LRRC7: variants seen among roughly 807,000 people sequenced by gnomAD.
LRRC7 encodes leucine-rich repeat-containing protein 7.
Under a neutral mutation model 175.7 loss-of-function variants are expected in LRRC7, and 23 were observed. The observed-to-expected ratio is 0.13, with a 90% CI of 0.09 to 0.19. The LOEUF is 0.19. Ranked by LOEUF, LRRC7 falls within the 10% of genes least tolerant of loss-of-function variation. LRRC7 has a pLI of 1.00. For missense variants in LRRC7, 1,354 were observed against 1,904.7 expected (o/e 0.71, Z 5.38); for synonymous variants, 685 against 680.9 (o/e 1.01, Z -0.09).
At chr1:70,057,712 C>G (rs1295796471) in intron 23 of LRRC7, among the ~76,000 whole-genome samples, 3 of 152,050 alleles carry the variant, frequency 2.0e-5, no homozygotes, top group African/African-American at 7.2e-5. Context: ...TCTGTTCTGG[C>G]TATCATAGAT....
At chr1:69,607,520 T>A (rs1647802156) in intron 1 of LRRC7, 1 of 152,148 alleles carries the variant, frequency 6.6e-6, no homozygotes, top group African/African-American at 2.4e-5. Context: ...TTTTCTGCCT[T>A]ATGCATCTCT....
At chr1:69,831,629 C>T (rs1034351084) in intron 5 of LRRC7, among the ~76,000 whole-genome samples, 4 of 152,180 alleles carry the variant, frequency 2.6e-5, no homozygotes, top group African/African-American at 9.6e-5. Flanking sequence ...TTTTCACTTG[C>T]CTCCCTTCTC....
rs200629241 is a variant in LRRC7, at chr1:70,136,095, G to C, written c.*14208G>C. 2.5e-5 allele frequency among the ~76,000 whole-genome samples: 3 copies of C among 119,910 alleles called. No individual in the cohort carries two copies. The highest frequency in any genetic ancestry group is 5.3e-5 in the Non-Finnish European group (3 of 56,250). The allele number at this position is 119,910 out of a possible 152,430, so 78.7% of individuals were successfully genotyped here. A position where few individuals can be genotyped will look rare whatever the true frequency, so the allele number is the denominator to read the frequency against. ...TGTGTCTGTGTGTGTGTGTGTGTGTGTGTCTATATATCTTATCAGGCAATT... is the reference window on the plus strand; with the variant it reads ...TGTGTCTGTGTGTGTGTGTGTGTGTCTGTCTATATATCTTATCAGGCAATT... On this transcript the variant is annotated 3_prime_UTR_variant, in exon 27 of 27. Coordinates refer to ENST00000651989, the MANE Select transcript of LRRC7 (RefSeq NM_001370785.2).
chr1:69,791,002 A>C (rs1298397527), intron 3 of LRRC7, among the ~76,000 whole-genome samples: 1 of 152,028 alleles, frequency 6.6e-6, no homozygotes, highest in Non-Finnish European at 1.5e-5. Flanking sequence ...GCCTGTAAAT[A>C]ACGAATTACA....
intron 7 of LRRC7, among the ~76,000 whole-genome samples, chr1:69,877,688 C>G (rs1686166441): frequency 6.6e-6 from 1 of 152,112 alleles, no homozygotes; most frequent in African/African-American, 2.4e-5. Flanking sequence ...TACCCTAGCC[C>G]CAGGTAACTA....
intron 22 of LRRC7, among the ~76,000 whole-genome samples, chr1:70,047,173 GA>G (rs1410801918): frequency 6.6e-6 from 1 of 152,036 alleles, no homozygotes; most frequent in South Asian, 2.1e-4. Flanking sequence ...AAATAAAATT[GA>G]CATAAATGTT....
At chr1:69,624,586 C>A (rs1651178255) in intron 1 of LRRC7, among the ~76,000 whole-genome samples, 1 of 151,888 alleles carries the variant, frequency 6.6e-6, no homozygotes, top group Non-Finnish European at 1.5e-5. Flanking sequence ...TTTAGATATC[C>A]AAAGGCATGA....
At chr1:69,984,457 A>C (rs1377084281) in intron 9 of LRRC7, among the ~76,000 whole-genome samples, 1 of 152,202 alleles carries the variant, frequency 6.6e-6, no homozygotes, top group Non-Finnish European at 1.5e-5. Context: ...GGTAGACCAG[A>C]TAAACAGATG....
intron 1 of LRRC7, among the ~76,000 whole-genome samples, chr1:69,656,649 A>G (rs952462771): frequency 6.6e-6 from 1 of 152,006 alleles, no homozygotes; most frequent in Non-Finnish European, 1.5e-5. Context: ...GCATATGTTT[A>G]TTTAACATTC....
intron 7 of LRRC7, among the ~76,000 whole-genome samples, chr1:69,841,631 G>A (rs1681742174): frequency 6.6e-6 from 1 of 152,022 alleles, no homozygotes; most frequent in African/African-American, 2.4e-5. Flanking sequence ...TTTCATCATA[G>A]CACTTACCGC....
intron 7 of LRRC7, among the ~76,000 whole-genome samples, chr1:69,867,489 A>G (rs544723912): frequency 1.3e-5 from 2 of 152,326 alleles, no homozygotes; most frequent in East Asian, 3.9e-4. Context: ...GCTAGGAGTG[A>G]CATCATCAGG....
intron 1 of LRRC7, among the ~76,000 whole-genome samples, chr1:69,631,094 A>G (rs1652422915): frequency 6.6e-6 from 1 of 152,076 alleles, no homozygotes; most frequent in Non-Finnish European, 1.5e-5. Flanking sequence ...ATACATCCAT[A>G]TAATGTGTAC....
chr1:69,999,341 T>A (rs1217559167), intron 11 of LRRC7, among the ~76,000 whole-genome samples: 2 of 152,178 alleles, frequency 1.3e-5, no homozygotes, highest in African/African-American at 4.8e-5. Context: ...CTATGAACAC[T>A]GAGAAGGCAG....
In LRRC7 at chr1:70,125,791, C is replaced by T. The variant is rs1445553756; in HGVS notation, c.*3904C>T. Among the ~76,000 whole-genome samples the T allele has an allele frequency of 1.1e-5, 1 of 87,256 alleles. No individual in the cohort carries two copies. Among genetic ancestry groups the T allele is most frequent in the Non-Finnish European group, 2.2e-5 (1 of 45,514 alleles). 57.2% of individuals were successfully genotyped at this position (87,256 alleles called of 152,430 possible). ...TGGGCGACAGAGCGAGACTCCGTCT[C>T]AAAAAAAAAAAAAAAAAAAAAGAGA... On this transcript the variant is annotated 3_prime_UTR_variant, in exon 27 of 27. Coordinates refer to ENST00000651989, the MANE Select transcript of LRRC7 (RefSeq NM_001370785.2).
chr1:69,673,796 T>C (rs929765957), intron 1 of LRRC7, among the ~76,000 whole-genome samples: 3 of 152,176 alleles, frequency 2.0e-5, no homozygotes, highest in African/African-American at 7.2e-5. Flanking sequence ...TTTTTATATT[T>C]TCACCTATTT....
At chr1:69,595,908 T>TA (rs1646822929) in intron 1 of LRRC7, among the ~76,000 whole-genome samples, 1 of 147,834 alleles carries the variant, frequency 6.8e-6, no homozygotes. Flanking sequence ...ATATTTTTAT[T>TA]AAAAAACATT....
Position 69,797,913 on chromosome 1 carries a change from T to G in LRRC7, c.421+5753T>G, listed in dbSNP as rs188064255. On this transcript the variant is annotated intron_variant, in intron 4 of 26. Coordinates refer to ENST00000651989, the MANE Select transcript of LRRC7 (RefSeq NM_001370785.2). ...CCACACATGATTTGCACTTTGTTTT[T>G]TTTGTTTGTTTGTTTGTTTGTTTTT... 2.4e-4 allele frequency among the ~76,000 whole-genome samples: 37 copies of G among 152,200 alleles called. No homozygotes were observed. The East Asian group carries it at 3.5e-3, about 14-fold the overall frequency.
At chr1:69,915,581 C>A (rs1288007120) in intron 7 of LRRC7, among the ~76,000 whole-genome samples, 1 of 152,036 alleles carries the variant, frequency 6.6e-6, no homozygotes, top group Non-Finnish European at 1.5e-5. Context: ...TCACAACGAA[C>A]ATTTGTATAT....
intron 2 of LRRC7, among the ~76,000 whole-genome samples, chr1:69,703,771 T>C (rs2100705793): frequency 6.6e-6 from 1 of 152,140 alleles, no homozygotes; most frequent in Admixed American, 6.6e-5. Context: ...TGCTTCATTT[T>C]GAGGTTTGCC....
Sources: gnomAD v4.1 joint callset for allele counts (sites outside exome capture counted in the v4.1 genomes callset) on GRCh38, gnomAD v4.1.1 for gene constraint, MANE v1.5 for transcripts, NCBI Gene and HGNC (gene_info 2026-07-23, HGNC 2026-07-21) for gene names.